Variants in GABRG3 observed in about 807,000 individuals in gnomAD.
GABRG3 encodes gamma-aminobutyric acid type A receptor subunit gamma3.
In GABRG3, 25 loss-of-function variants were observed where a neutral mutation model predicts 48.8. The observed-to-expected ratio is 0.51, with a 90% CI of 0.37 to 0.72. The LOEUF is 0.72. Ranked by LOEUF, GABRG3 falls within the 30% of genes least tolerant of loss-of-function variation. The pLI is 0.00. For missense variants in GABRG3, 394 were observed against 577.9 expected, an observed-to-expected ratio of 0.68 and a Z score of 3.26; for synonymous variants, 227 against 217.6, an observed-to-expected ratio of 1.04 and a Z score of -0.38.
At chr15:27,360,926 A>G (rs577074312) in intron 5 of GABRG3, among the ~76,000 whole-genome samples, 19 of 152,152 alleles carry the variant, frequency 1.2e-4, no homozygotes, top group African/African-American at 4.3e-4. Context: ...GCTGAGCTCT[A>G]CCTCTCATGA....
intron 3 of GABRG3, among the ~76,000 whole-genome samples, chr15:27,277,283 C>T (rs1227215753): frequency 6.6e-6 from 1 of 152,190 alleles, no homozygotes; most frequent in Non-Finnish European, 1.5e-5. Context: ...TTTCTATGAG[C>T]GGTCATGCAA....
intron 3 of GABRG3, among the ~76,000 whole-genome samples, chr15:27,101,923 A>G (rs1033122557): frequency 3.9e-5 from 6 of 151,944 alleles, no homozygotes; most frequent in South Asian, 2.1e-4. Context: ...GTTGGGCTGC[A>G]TTCAAAGCCA....
intron 2 of GABRG3, among the ~76,000 whole-genome samples, chr15:27,022,433 C>G (rs546324769): frequency 2.0e-5 from 3 of 152,220 alleles, no homozygotes; most frequent in Admixed American, 1.3e-4. Flanking sequence ...AAGGAACTAT[C>G]AAAGTTAGCA....
chr15:27,444,948 T>A (rs903617538), intron 5 of GABRG3, among the ~76,000 whole-genome samples: 1 of 152,266 alleles, frequency 6.6e-6, no homozygotes, highest in Admixed American at 6.5e-5. Flanking sequence ...CTTGGCTCAC[T>A]GCAACCTCCA....
chr15:27,043,796 A>G (rs1896317975), intron 3 of GABRG3, among the ~76,000 whole-genome samples: 1 of 152,200 alleles, frequency 6.6e-6, no homozygotes, highest in Non-Finnish European at 1.5e-5. Flanking sequence ...ATGGTCAGGA[A>G]TTTGGGCAGA....
chr15:27,043,591 T>A (rs1896313895), intron 3 of GABRG3, among the ~76,000 whole-genome samples: 1 of 152,204 alleles, frequency 6.6e-6, no homozygotes, highest in Non-Finnish European at 1.5e-5. Context: ...TCCGCCCTTT[T>A]CTGCCCGCAG....
chr15:27,332,932 T>A lies in GABRG3; in HGVS notation c.574+4044T>A, dbSNP rs200374099. ...ATTTTAATTAATTAAAAATTTCCTA[T>A]AGCACTTTCTGTAGTCATTGTGGTT... On this transcript the variant is annotated intron_variant, in intron 5 of 9. Transcript: ENST00000615808. 9.2e-5 allele frequency among the ~76,000 whole-genome samples: 14 copies of A among 152,324 alleles called. No homozygotes were observed. The East Asian group carries it at 2.5e-3, about 27-fold the overall frequency.
rs1326030390 is a variant in GABRG3 at position 27,241,054 on chromosome 15, C to A, written c.271-85755C>A. 2.0e-5 allele frequency among the ~76,000 whole-genome samples: 3 copies of A among 152,290 alleles called. No individual in the cohort carries two copies. The East Asian group carries it at 5.8e-4, about 29-fold the overall frequency. ...ACCCTCAACAACCTCTTAGATAATT[C>A]CAGATTATCTCAAGCATCCATAGGA... On this transcript the variant is annotated intron_variant, in intron 3 of 9. Transcript: ENST00000615808.
Position 27,463,750 on chromosome 15 carries a change from T to C in GABRG3, c.575-16900T>C, listed in dbSNP as rs554473384. On this transcript the variant is annotated intron_variant, in intron 5 of 9. Transcript: ENST00000615808. ...GGAGCCGAGTCCAGACACTGCTCCT[T>C]TGGGGGTGCCATGAAAAGCTTGGCA... Among the ~76,000 whole-genome samples the C allele has an allele frequency of 3.0e-4, 46 of 152,278 alleles. 1 individual carries two copies. The Middle Eastern group carries it at 0.017, about 56-fold the overall frequency.
At chr15:27,330,323 G>C (rs1342534126) in intron 5 of GABRG3, among the ~76,000 whole-genome samples, 1 of 152,160 alleles carries the variant, frequency 6.6e-6, no homozygotes, top group African/African-American at 2.4e-5. Context: ...AGTTTTTGTG[G>C]CTTTCTTCAT....
chr15:27,221,549 G>T (rs146103852), intron 3 of GABRG3, among the ~76,000 whole-genome samples: 21 of 152,206 alleles, frequency 1.4e-4, no homozygotes, highest in African/African-American at 4.8e-4. Context: ...TCTCAAGGTG[G>T]TCTCTCAGAG....
At chr15:27,194,750 G>A (rs1888440411) in intron 3 of GABRG3, among the ~76,000 whole-genome samples, 3 of 151,890 alleles carry the variant, frequency 2.0e-5, no homozygotes, top group Non-Finnish European at 4.4e-5. Context: ...TATTTTACTC[G>A]AGGTTTGCTT....
intron 3 of GABRG3, among the ~76,000 whole-genome samples, chr15:27,193,550 G>A (rs893681680): frequency 7.9e-5 from 12 of 151,876 alleles, no homozygotes; most frequent in Non-Finnish European, 1.0e-4. Context: ...CTCCTGGTGC[G>A]CCGTTTTTTA....
chr15:27,155,026 A>G (rs1437996038), intron 3 of GABRG3, among the ~76,000 whole-genome samples: 1 of 151,960 alleles, frequency 6.6e-6, no homozygotes, highest in African/African-American at 2.4e-5. Flanking sequence ...TGACACAAAT[A>G]CTAGATCTTT....
rs530023346 is a variant in GABRG3 at position 27,278,926 on chromosome 15, A to C, written c.271-47883A>C. ...TCCCAGAGTGGCTGGATCATTTTAC[A>C]TTCCCAGTAGCAATGCAGGAGAAAT... On this transcript the variant is annotated intron_variant, in intron 3 of 9. Transcript: ENST00000615808. Among the ~76,000 whole-genome samples, 7 of 152,296 alleles carry C rather than the reference A, an allele frequency of 4.6e-5. No homozygotes were observed. In the South Asian group the frequency reaches 1.2e-3, roughly 27 times the overall value.
At chr15:27,301,370 C>A (rs1892199375) in intron 3 of GABRG3, among the ~76,000 whole-genome samples, 2 of 152,014 alleles carry the variant, frequency 1.3e-5, no homozygotes, top group Non-Finnish European at 2.9e-5. Context: ...TATTCTATTT[C>A]ACTGCTGAAT....
At chr15:27,188,612 A>G (rs1195782976) in intron 3 of GABRG3, among the ~76,000 whole-genome samples, 2 of 151,192 alleles carry the variant, frequency 1.3e-5, no homozygotes, top group African/African-American at 4.8e-5. Context: ...AGTTCATTGT[A>G]GATTCTGGAT....
intron 5 of GABRG3, among the ~76,000 whole-genome samples, chr15:27,406,211 T>C (rs1440113582): frequency 6.7e-6 from 1 of 149,184 alleles, no homozygotes; most frequent in Non-Finnish European, 1.5e-5. Context: ...ATTGAACATA[T>C]AAATAAATGG....
intron 3 of GABRG3, among the ~76,000 whole-genome samples, chr15:27,071,803 G>T (rs1002779757): frequency 6.6e-6 from 1 of 152,210 alleles, no homozygotes; most frequent in Non-Finnish European, 1.5e-5. Context: ...CCTTCTTAAA[G>T]TGTATCTTAA....
Sources: allele counts gnomAD v4.1 joint callset (sites outside exome capture counted in the v4.1 genomes callset), GRCh38; gene constraint gnomAD v4.1.1; transcripts MANE v1.5; gene names NCBI Gene and HGNC (gene_info 2026-07-23, HGNC 2026-07-21).